Variants in ERC2 observed in about 807,000 individuals in gnomAD.
The protein encoded by ERC2 is ERC protein 2.
In ERC2, 42 loss-of-function variants were observed where a neutral mutation model predicts 114.8. The ratio of observed to expected loss-of-function variants is 0.37; its 90% CI spans 0.29 to 0.47. The LOEUF (loss-of-function observed/expected upper bound fraction) is 0.47. Among genes scored for constraint, ERC2 ranks in the 20% least tolerant of loss-of-function variants. The probability of loss-of-function intolerance (pLI) is 0.99; values close to 1 mark genes in which losing one functional copy is unlikely to be tolerated. For synonymous variants in ERC2, 454 were observed against 425.5 expected (o/e 1.07, Z -0.82); for missense variants, 939 against 1,150.7 (o/e 0.82, Z 2.66).
At chr3:56,287,247 A>G (rs58720638) in intron 3 of ERC2, among the ~76,000 whole-genome samples, 9,287 of 152,322 alleles carry the variant, frequency 0.061, 679 homozygotes, top group African/African-American at 0.17. Context: ...AAAACTAGGT[A>G]AAAAGTAAAG....
rs1425910072 is a variant in ERC2 at position 55,681,048 on chromosome 3, C to G, written c.*39+2746G>C. Among the ~76,000 whole-genome samples the G allele has an allele frequency of 2.0e-5, 3 of 151,900 alleles. No individual in the cohort carries two copies. In the South Asian group the frequency reaches 6.3e-4, roughly 32 times the overall value. ...CAGGCCATACGCTGATAAATCCAGG[C>G]CTGGGTGTGAGGTTTAAGAGGGGAA... On this transcript the variant is annotated intron_variant, in intron 17 of 17. Coordinates refer to ENST00000288221, the MANE Select transcript of ERC2 (RefSeq NM_015576.3).
intron 15 of ERC2, among the ~76,000 whole-genome samples, chr3:55,722,555 T>C (rs937173429): frequency 1.3e-5 from 2 of 152,226 alleles, no homozygotes; most frequent in Non-Finnish European, 2.9e-5. Context: ...CAACATGCCC[T>C]ACATTTGATG....
At chr3:55,561,524 A>C (rs985944677) in intron 17 of ERC2, among the ~76,000 whole-genome samples, 1 of 152,200 alleles carries the variant, frequency 6.6e-6, no homozygotes, top group Non-Finnish European at 1.5e-5. Flanking sequence ...ATGCCTGCAC[A>C]TCACTGGTCT....
chr3:56,332,132 T>TCACACACA (rs4061142), intron 2 of ERC2, among the ~76,000 whole-genome samples: 1 of 117,490 alleles, frequency 8.5e-6, no homozygotes, highest in Non-Finnish European at 1.8e-5. Context: ...TTCCTATTTT[T>TCACACACA]CACACACACA....
intron 17 of ERC2, among the ~76,000 whole-genome samples, chr3:55,653,481 T>C (rs902727319): frequency 1.3e-5 from 2 of 152,158 alleles, no homozygotes; most frequent in Non-Finnish European, 2.9e-5. Context: ...ATTATACCGA[T>C]GTGGAAAGAA....
At chr3:56,113,187 A>C (rs769066829) in intron 6 of ERC2, among the ~76,000 whole-genome samples, 2 of 152,220 alleles carry the variant, frequency 1.3e-5, no homozygotes, top group Non-Finnish European at 2.9e-5. Flanking sequence ...TATGAACACA[A>C]TTTTTCTTTA....
At position 55,563,328 on chromosome 3, in the gene ERC2, C is replaced by CTTTT. The variant is rs57775830; in HGVS notation, c.*40-52056_*40-52053dup. Among the ~76,000 whole-genome samples the CTTTT allele has an allele frequency of 5.0e-5, 7 of 138,908 alleles. No individual in the cohort carries two copies. In the Admixed American group the frequency reaches 5.1e-4, roughly 10 times the overall value. The allele number at this position is 138,908 out of a possible 152,430, so 91.1% of individuals were successfully genotyped here. On this transcript the variant is annotated intron_variant, in intron 17 of 17. Coordinates refer to ENST00000288221, the MANE Select transcript of ERC2 (RefSeq NM_015576.3). Reference sequence around the variant, plus strand: ...TGAGTATGCATCCTGAGTGTCTTTCCTTTTTTTTTTTTTTTTTTACTTCAA... The same window carrying CTTTT: ...TGAGTATGCATCCTGAGTGTCTTTCCTTTTTTTTTTTTTTTTTTTTTTACTTCAA...
intron 7 of ERC2, among the ~76,000 whole-genome samples, chr3:56,042,170 A>G (rs2075230276): frequency 6.6e-6 from 1 of 152,120 alleles, no homozygotes; most frequent in Admixed American, 6.6e-5. Flanking sequence ...TTCCCACGAG[A>G]TGAAGGAGGG....
chr3:56,059,412 G>A (rs896031316), intron 7 of ERC2, among the ~76,000 whole-genome samples: 12 of 152,130 alleles, frequency 7.9e-5, no homozygotes, highest in Non-Finnish European at 1.2e-4. Context: ...TATATGCACA[G>A]ATAATGGTTA....
At chr3:55,726,188 C>T (rs961691574) in intron 15 of ERC2, among the ~76,000 whole-genome samples, 1 of 152,216 alleles carries the variant, frequency 6.6e-6, no homozygotes, top group African/African-American at 2.4e-5. Context: ...AAAACCAATA[C>T]ATTTGCATTT....
At chr3:55,837,223 A>G (rs1300111896) in intron 14 of ERC2, among the ~76,000 whole-genome samples, 1 of 152,232 alleles carries the variant, frequency 6.6e-6, no homozygotes, top group Non-Finnish European at 1.5e-5. Flanking sequence ...AGAAATAGAA[A>G]TACCATTTGA....
At chr3:55,572,169 G>A (rs965864974) in intron 17 of ERC2, among the ~76,000 whole-genome samples, 13 of 152,190 alleles carry the variant, frequency 8.5e-5, no homozygotes, top group African/African-American at 2.2e-4. Context: ...CAAAGACAGC[G>A]GCCAGGGAGC....
chr3:56,369,920 C>T (rs1353794980), intron 2 of ERC2, among the ~76,000 whole-genome samples: 1 of 152,164 alleles, frequency 6.6e-6, no homozygotes, highest in Non-Finnish European at 1.5e-5. Context: ...CATGATCCAC[C>T]TGCCTTGGCC....
At chr3:56,030,353 T>C (rs1421606600) in intron 7 of ERC2, among the ~76,000 whole-genome samples, 2 of 152,214 alleles carry the variant, frequency 1.3e-5, no homozygotes, top group Non-Finnish European at 2.9e-5. Context: ...ATTTTTCTAA[T>C]TTTCTACATT....
intron 14 of ERC2, among the ~76,000 whole-genome samples, chr3:55,865,158 T>A (rs2062241630): frequency 6.6e-6 from 1 of 152,200 alleles, no homozygotes; most frequent in Non-Finnish European, 1.5e-5. Context: ...AATTATATAA[T>A]CTTCTCTACC....
chr3:56,085,000 C>T (rs542311315), intron 6 of ERC2, among the ~76,000 whole-genome samples: 46 of 152,140 alleles, frequency 3.0e-4, no homozygotes, highest in Non-Finnish European at 5.6e-4. Flanking sequence ...CTGAGAGGAT[C>T]AGGACAGATA....
chr3:56,206,598 T>C (rs904324785), intron 3 of ERC2, among the ~76,000 whole-genome samples: 1 of 152,214 alleles, frequency 6.6e-6, no homozygotes, highest in African/African-American at 2.4e-5. Flanking sequence ...ACTCTGTGTG[T>C]ATAAATATAG....
intron 14 of ERC2, among the ~76,000 whole-genome samples, chr3:55,818,328 A>C (rs981892011): frequency 2.0e-5 from 3 of 152,206 alleles, no homozygotes; most frequent in Non-Finnish European, 4.4e-5. Flanking sequence ...AGGAGTCTGA[A>C]ATAGTCAATA....
chr3:55,528,741 T>G (rs770736445), intron 17 of ERC2, among the ~76,000 whole-genome samples: 4 of 152,220 alleles, frequency 2.6e-5, no homozygotes, highest in Admixed American at 6.5e-5. Flanking sequence ...GAGATTATTC[T>G]TTATTTAAGA....
Sources: gnomAD v4.1 joint callset for allele counts (sites outside exome capture counted in the v4.1 genomes callset) on GRCh38, gnomAD v4.1.1 for gene constraint, MANE v1.5 for transcripts, NCBI Gene and HGNC (gene_info 2026-07-23, HGNC 2026-07-21) for gene names.